ZBTB20: variants seen among roughly 807,000 people sequenced by gnomAD.
ZBTB20 encodes the protein zinc finger and BTB domain-containing protein 20.
ZBTB20 carries 9 observed loss-of-function variants against 56.9 expected under a neutral mutation model. That is an observed-to-expected ratio of 0.16 (90% CI 0.10 to 0.28). The LOEUF (loss-of-function observed/expected upper bound fraction) is 0.28, where lower values mean the gene tolerates loss of function less well. Among genes scored for constraint, ZBTB20 ranks in the 10% least tolerant of loss-of-function variants. The pLI is 1.00. For synonymous variants in ZBTB20, 417 were observed against 420.7 expected, an observed-to-expected ratio of 0.99 and a Z score of 0.11; for missense variants, 655 against 1,003.0, an observed-to-expected ratio of 0.65 and a Z score of 4.69.
At chr3:114,454,129 G>A (rs1289247810) in intron 7 of ZBTB20, among the ~76,000 whole-genome samples, 2 of 149,584 alleles carry the variant, frequency 1.3e-5, no homozygotes, top group African/African-American at 5.0e-5. Context: ...AGGGATGGGG[G>A]GCAGAGAGAG....
chr3:114,339,546 T>C lies in ZBTB20; in HGVS notation c.1805-120A>G, dbSNP rs2079605544. On this transcript the variant is annotated intron_variant, in intron 11 of 11. Coordinates refer to ENST00000675478, the MANE Select transcript of ZBTB20 (RefSeq NM_001348800.3). The surrounding 1 kb of genome is among the most constrained non-coding windows in gnomAD (Gnocchi z 4.2). ...AAATAAAACAATTAAAAAATAAAAT[T>C]TGATTGCTTAATGGATCATCCTCGT... 13 of 1,208,582 alleles carry C rather than the reference T, an allele frequency of 1.1e-5. No homozygotes were observed. Among genetic ancestry groups the C allele is most frequent in the Non-Finnish European group, 1.5e-5 (13 of 893,334 alleles). The allele number at this position is 1,208,582 out of a possible 1,614,324, so 74.9% of individuals were successfully genotyped here.
At chr3:114,371,504 T>C (rs765966950) in intron 10 of ZBTB20, among the ~76,000 whole-genome samples, 17 of 152,222 alleles carry the variant, frequency 1.1e-4, no homozygotes, top group Non-Finnish European at 2.2e-4. Flanking sequence ...TGAATGTTAT[T>C]TGATCTTCTC....
chr3:114,477,796 G>A (rs952335577), intron 7 of ZBTB20, among the ~76,000 whole-genome samples: 1 of 151,148 alleles, frequency 6.6e-6, no homozygotes, highest in African/African-American at 2.4e-5. Context: ...CGCCCGGTCC[G>A]TACCCTGCAC....
intron 6 of ZBTB20, among the ~76,000 whole-genome samples, chr3:114,639,518 G>A (rs1010813445): frequency 1.3e-5 from 2 of 148,838 alleles, no homozygotes; most frequent in Admixed American, 6.7e-5. Context: ...CTTCCAGCCC[G>A]TAACTTGTTG....
intron 3 of ZBTB20, among the ~76,000 whole-genome samples, chr3:114,916,911 G>A (rs1298094064): frequency 6.6e-6 from 1 of 152,180 alleles, no homozygotes; most frequent in South Asian, 2.1e-4. Flanking sequence ...ACCTTCTTGT[G>A]CTTGAATAAT....
intron 7 of ZBTB20, among the ~76,000 whole-genome samples, chr3:114,415,084 A>C (rs904320129): frequency 2.4e-4 from 36 of 152,200 alleles, no homozygotes; most frequent in African/African-American, 8.4e-4. Flanking sequence ...CTGGCTAATG[A>C]AAAATCAATG....
At chr3:114,439,320 G>T (rs1179103907) in intron 7 of ZBTB20, among the ~76,000 whole-genome samples, 1 of 152,112 alleles carries the variant, frequency 6.6e-6, no homozygotes, top group Non-Finnish European at 1.5e-5. Context: ...AAGTGCAGGT[G>T]AATTACCACA....
intron 1 of ZBTB20, among the ~76,000 whole-genome samples, chr3:115,146,190 G>A (rs1445328505): frequency 1.3e-5 from 2 of 152,202 alleles, no homozygotes; most frequent in South Asian, 2.1e-4. Flanking sequence ...AACCCAGTTC[G>A]GAGTGAGAGA....
intron 4 of ZBTB20, among the ~76,000 whole-genome samples, chr3:114,868,834 C>T (rs1338630526): frequency 6.6e-6 from 1 of 151,966 alleles, no homozygotes; most frequent in Non-Finnish European, 1.5e-5. Context: ...ATCATGGCAA[C>T]TCAATATAAC....
At position 114,942,741 on chromosome 3, in the gene ZBTB20, C is replaced by A. The variant is rs537366490; in HGVS notation, c.-456+31625G>T. The stretch of plus-strand genomic sequence containing the variant: ...AAGGAAGTAAACACGTTAAAGTAAG[C>A]CCTATGTTGTTTATTACTTTTCAAA... On this transcript the variant is annotated intron_variant, in intron 3 of 11. Coordinates refer to ENST00000675478, the MANE Select transcript of ZBTB20 (RefSeq NM_001348800.3). 2.1e-5 allele frequency among the ~76,000 whole-genome samples: 3 copies of A among 145,790 alleles called. 1 individual carries two copies. Among genetic ancestry groups the A allele is most frequent in the African/African-American group, 8.4e-5 (3 of 35,804 alleles).
chr3:114,629,934 G>A (rs2058850688), intron 6 of ZBTB20, among the ~76,000 whole-genome samples: 1 of 152,094 alleles, frequency 6.6e-6, no homozygotes, highest in Admixed American at 6.6e-5. Context: ...TGGGTCTTCA[G>A]CCTAGGAGCT....
intron 2 of ZBTB20, among the ~76,000 whole-genome samples, chr3:114,996,181 A>C (rs1379004749): frequency 2.0e-5 from 3 of 151,810 alleles, no homozygotes; most frequent in Non-Finnish European, 4.4e-5. Flanking sequence ...AACATGTAGA[A>C]TGGTGAGAAA....
chr3:114,364,004 C>T (rs2082141215), intron 10 of ZBTB20, among the ~76,000 whole-genome samples: 1 of 152,156 alleles, frequency 6.6e-6, no homozygotes, highest in South Asian at 2.1e-4. Flanking sequence ...CAGTACATGG[C>T]CTTCAAATGT....
At position 114,581,477 on chromosome 3, in the gene ZBTB20, C is replaced by T. The variant is rs538039629; in HGVS notation, c.-294-81086G>A. The stretch of plus-strand genomic sequence containing the variant: ...ACTACTAAAGCCACAGTTAAAAGGG[C>T]ACCTACAAATTGGGAAAAAATCTTT... On this transcript the variant is annotated intron_variant, in intron 6 of 11. Transcript: ENST00000675478. Among the ~76,000 whole-genome samples, 12 of 151,986 alleles carry T rather than the reference C, an allele frequency of 7.9e-5. No individual in the cohort carries two copies. The East Asian group carries it at 2.1e-3, about 27-fold the overall frequency.
chr3:115,127,190 AGATT>A (rs546353959), intron 1 of ZBTB20, among the ~76,000 whole-genome samples: 1 of 152,240 alleles, frequency 6.6e-6, no homozygotes, highest in Non-Finnish European at 1.5e-5. Flanking sequence ...GAAGCTAAAA[AGATT>A]GATTGAGACT....
intron 5 of ZBTB20, among the ~76,000 whole-genome samples, chr3:114,777,987 T>C (rs1195426525): frequency 6.7e-6 from 1 of 149,848 alleles, no homozygotes; most frequent in Non-Finnish European, 1.5e-5. Flanking sequence ...CAGCAAACTA[T>C]CGCAAAGACA....
intron 3 of ZBTB20, among the ~76,000 whole-genome samples, chr3:114,914,171 T>G (rs1220260851): frequency 1.3e-5 from 2 of 152,066 alleles, no homozygotes; most frequent in Admixed American, 1.3e-4. Context: ...TTGGGTAGTA[T>G]GGGCATTTTA....
At chr3:114,975,152 T>C (rs976156148) in intron 2 of ZBTB20, among the ~76,000 whole-genome samples, 3 of 152,170 alleles carry the variant, frequency 2.0e-5, no homozygotes, top group Non-Finnish European at 2.9e-5. Flanking sequence ...AGGCAGGATG[T>C]TGAGTTTACT....
At chr3:115,114,617 T>C (rs1028474793) in intron 1 of ZBTB20, among the ~76,000 whole-genome samples, 1 of 152,150 alleles carries the variant, frequency 6.6e-6, no homozygotes, top group Non-Finnish European at 1.5e-5. Context: ...TTACAAAATA[T>C]GCCAATATAT....
Sources: allele counts gnomAD v4.1 joint callset (sites outside exome capture counted in the v4.1 genomes callset), GRCh38; gene constraint gnomAD v4.1.1; non-coding constraint Gnocchi (gnomAD v3.1); transcripts MANE v1.5; gene names NCBI Gene and HGNC (gene_info 2026-07-23, HGNC 2026-07-21).